Variants in ZNF385D observed in about 807,000 individuals in gnomAD.
The protein encoded by ZNF385D is zinc finger protein 385D.
ZNF385D carries 15 observed loss-of-function variants against 35.8 expected under a neutral mutation model. The observed-to-expected ratio is 0.42, with a 90% confidence interval of 0.28 to 0.64. The LOEUF is 0.64. Ranked by LOEUF, ZNF385D falls within the 30% of genes least tolerant of loss-of-function variation. The pLI, the probability that ZNF385D is intolerant of heterozygous loss-of-function variation, is 0.23. For missense variants in ZNF385D, 474 were observed against 494.6 expected, an observed-to-expected ratio of 0.96 and a Z score of 0.39; for synonymous variants, 212 against 186.8, an observed-to-expected ratio of 1.13 and a Z score of -1.10.
intron 3 of ZNF385D, among the ~76,000 whole-genome samples, chr3:21,791,504 A>C (rs1334749798): frequency 6.6e-6 from 1 of 152,198 alleles, no homozygotes; most frequent in African/African-American, 2.4e-5. Context: ...CCCCAAGAAG[A>C]AATCTGGCTC....
At chr3:21,849,284 A>G (rs564824167) in intron 3 of ZNF385D, among the ~76,000 whole-genome samples, 1 of 151,806 alleles carries the variant, frequency 6.6e-6, no homozygotes, top group East Asian at 1.9e-4. Context: ...CACTTCTTAT[A>G]TGGTAAGAAA....
intron 2 of ZNF385D, among the ~76,000 whole-genome samples, chr3:22,322,809 A>G (rs1465206122): frequency 6.6e-6 from 1 of 152,230 alleles, no homozygotes; most frequent in Non-Finnish European, 1.5e-5. Context: ...CTTCTGAATT[A>G]CTAAGCTCAG....
At chr3:22,177,402 A>G (rs1012724740) in intron 2 of ZNF385D, among the ~76,000 whole-genome samples, 1 of 152,314 alleles carries the variant, frequency 6.6e-6, no homozygotes, top group East Asian at 1.9e-4. Flanking sequence ...AAGTTATGCC[A>G]AGAAAAAAAG....
chr3:21,516,219 T>C (rs543030894), intron 3 of ZNF385D, among the ~76,000 whole-genome samples: 1 of 152,314 alleles, frequency 6.6e-6, no homozygotes, highest in South Asian at 2.1e-4. Context: ...CTCCCACATG[T>C]CCAGCCTTAT....
Position 22,060,897 on chromosome 3 carries a change from T to C in ZNF385D, c.325+107920A>G, listed in dbSNP as rs191902632. Among the ~76,000 whole-genome samples, 21 of 152,162 alleles carry C rather than the reference T, an allele frequency of 1.4e-4. No individual in the cohort carries two copies. In the East Asian group the frequency reaches 3.9e-3, roughly 28 times the overall value. On this transcript the variant is annotated intron_variant, in intron 3 of 5. Coordinates refer to the ZNF385D transcript ENST00000494108. Reference sequence around the variant, plus strand: ...TTACCAGACAATTTTGGCTCTTAAGTAGAAAAATCTATAAAAAATTTTAAA... The same window carrying C: ...TTACCAGACAATTTTGGCTCTTAAGCAGAAAAATCTATAAAAAATTTTAAA...
At chr3:21,811,922 C>A (rs1244950088) in intron 3 of ZNF385D, among the ~76,000 whole-genome samples, 1 of 152,068 alleles carries the variant, frequency 6.6e-6, no homozygotes, top group African/African-American at 2.4e-5. Flanking sequence ...ATCTTAACAA[C>A]ACACAAATAG....
chr3:21,895,675 T>A (rs539104585), intron 3 of ZNF385D, among the ~76,000 whole-genome samples: 2 of 151,776 alleles, frequency 1.3e-5, no homozygotes, highest in African/African-American at 4.8e-5. Context: ...AGATTTCCCT[T>A]TGGGGAAAAT....
intron 3 of ZNF385D, among the ~76,000 whole-genome samples, chr3:21,560,743 A>G (rs1380434806): frequency 1.3e-5 from 2 of 152,138 alleles, no homozygotes; most frequent in Admixed American, 1.3e-4. Context: ...AGCTGCGCCT[A>G]TAGCTGCCTC....
intron 3 of ZNF385D, among the ~76,000 whole-genome samples, chr3:21,966,634 T>C (rs1159148929): frequency 1.3e-5 from 2 of 152,208 alleles, no homozygotes; most frequent in Non-Finnish European, 2.9e-5. Flanking sequence ...CAGGTTGGAG[T>C]GCAGTGGTGC....
chr3:22,218,934 C>A (rs1373873170), intron 2 of ZNF385D, among the ~76,000 whole-genome samples: 1 of 152,028 alleles, frequency 6.6e-6, no homozygotes, highest in Non-Finnish European at 1.5e-5. Flanking sequence ...GCATGTTAGA[C>A]TGTAAGGATC....
At chr3:22,302,178 C>G (rs1417011274) in intron 2 of ZNF385D, among the ~76,000 whole-genome samples, 1 of 151,986 alleles carries the variant, frequency 6.6e-6, no homozygotes, top group Non-Finnish European at 1.5e-5. Flanking sequence ...ATCTTAGTAT[C>G]CTCTCTTGAC....
At chr3:22,262,740 C>G (rs976804419) in intron 2 of ZNF385D, among the ~76,000 whole-genome samples, 1 of 151,846 alleles carries the variant, frequency 6.6e-6, no homozygotes, top group South Asian at 2.1e-4. Flanking sequence ...CCTGTACAAA[C>G]TTTTTGGGTT....
chr3:22,213,879 C>T lies in ZNF385D; in HGVS notation c.107-44844G>A, dbSNP rs554679284. 2.0e-5 allele frequency among the ~76,000 whole-genome samples: 3 copies of T among 151,826 alleles called. No homozygotes were observed. In the East Asian group the frequency reaches 5.8e-4, roughly 29 times the overall value. ...TTTGTGACATGTGTATTCTCTCCTT[C>T]TTAAGGAGAGAATTTACACCAGAAG... On this transcript the variant is annotated intron_variant, in intron 2 of 5. Coordinates refer to the ZNF385D transcript ENST00000494108.
intron 3 of ZNF385D, among the ~76,000 whole-genome samples, chr3:21,864,144 C>G (rs1697205747): frequency 6.6e-6 from 1 of 152,070 alleles, no homozygotes; most frequent in Non-Finnish European, 1.5e-5. Context: ...ACAAAGGGTT[C>G]ATTTTACAGT....
intron 3 of ZNF385D, among the ~76,000 whole-genome samples, chr3:22,034,649 A>C (rs1177323324): frequency 6.6e-6 from 1 of 152,208 alleles, no homozygotes; most frequent in Non-Finnish European, 1.5e-5. Context: ...ATAACCTCAT[A>C]ATTGGTATAA....
chr3:21,927,843 C>T lies in ZNF385D; in HGVS notation c.325+240974G>A, dbSNP rs146209142. On this transcript the variant is annotated intron_variant, in intron 3 of 5. Transcript: ENST00000494108. ...CCAAAGAATTCAAGGTACAAATGAG[C>T]GATTCAATGACAATAGTTGCAGACA... is the stretch of plus-strand genomic sequence containing the variant. 5.3e-5 allele frequency among the ~76,000 whole-genome samples: 8 copies of T among 152,190 alleles called. No homozygotes were observed. In the East Asian group the frequency reaches 1.4e-3, roughly 26 times the overall value.
rs560396246 is a variant in ZNF385D at position 22,196,325 on chromosome 3, T to G, written c.107-27290A>C. ...TTTCACAGAATATTCTTTGTCATTC[T>G]TTTACTTCATATCTTACGTTTATAT... On this transcript the variant is annotated intron_variant, in intron 2 of 5. Transcript: ENST00000494108. 8.8e-4 allele frequency among the ~76,000 whole-genome samples: 134 copies of G among 151,712 alleles called. 1 individual carries two copies. The highest frequency in any genetic ancestry group is 3.0e-3 in the African/African-American group (124 of 41,458).
chr3:21,971,939 G>T (rs1703285848), intron 3 of ZNF385D, among the ~76,000 whole-genome samples: 1 of 151,888 alleles, frequency 6.6e-6, no homozygotes. Flanking sequence ...ACCCAACACT[G>T]GGACACCCAG....
chr3:22,342,308 A>G (rs747591522), intron 2 of ZNF385D, among the ~76,000 whole-genome samples: 27 of 150,802 alleles, frequency 1.8e-4, no homozygotes, highest in Non-Finnish European at 3.1e-4. Flanking sequence ...AAAAGACTGA[A>G]TGAATTACTA....
Sources: allele counts gnomAD v4.1 joint callset (sites outside exome capture counted in the v4.1 genomes callset), GRCh38; gene constraint gnomAD v4.1.1; transcripts MANE v1.5; gene names NCBI Gene and HGNC (gene_info 2026-07-23, HGNC 2026-07-21).